Variants in SEMA3D observed in about 807,000 individuals in gnomAD.
SEMA3D encodes the protein semaphorin-3D.
In SEMA3D, 84 loss-of-function variants were observed where a neutral mutation model predicts 100.1. The observed-to-expected ratio is 0.84, with a 90% CI of 0.70 to 1.01. SEMA3D has a LOEUF of 1.01. Ranked by LOEUF, SEMA3D falls within the 50% of genes least tolerant of loss-of-function variation. SEMA3D has a pLI of 0.00. For missense variants in SEMA3D, 875 were observed against 934.1 expected, an observed-to-expected ratio of 0.94 and a Z score of 0.82; for synonymous variants, 312 against 320.7, an observed-to-expected ratio of 0.97 and a Z score of 0.29.
At chr7:85,157,405 A>T (rs1324706495) in intron 1 of SEMA3D, among the ~76,000 whole-genome samples, 1 of 152,152 alleles carries the variant, frequency 6.6e-6, no homozygotes, top group Non-Finnish European at 1.5e-5. Context: ...TCCTGGAAAG[A>T]TGCTTTTATA....
At chr7:85,139,293 G>A (rs1341110606) in intron 2 of SEMA3D, among the ~76,000 whole-genome samples, 2 of 151,922 alleles carry the variant, frequency 1.3e-5, no homozygotes. Context: ...AGAGCCACTG[G>A]GTTAAATGTT....
chr7:85,159,433 A>G (rs189117512), intron 1 of SEMA3D, among the ~76,000 whole-genome samples: 51 of 152,236 alleles, frequency 3.4e-4, no homozygotes, highest in Admixed American at 5.9e-4. Flanking sequence ...TGTCTTTATT[A>G]CCTAATTCAT....
chr7:85,140,579 A>G (rs1790017712), intron 2 of SEMA3D: 1 of 937,024 alleles, frequency 1.1e-6, no homozygotes, highest in African/African-American at 1.8e-5. Context: ...AGTTTTATCT[A>G]TATCTATATC....
chr7:85,151,782 TA>T, intron 2 of SEMA3D: 1 of 831,928 alleles, frequency 1.2e-6, no homozygotes, highest in South Asian at 5.5e-5. Flanking sequence ...ACTATTATAT[TA>T]GAAGAAAATT....
the SEMA3D span, among the ~76,000 whole-genome samples, chr7:85,243,099 T>C: frequency 6.6e-6 from 1 of 152,166 alleles, no homozygotes; most frequent in South Asian, 2.1e-4. Flanking sequence ...GTGAGACAGA[T>C]AGAGTGGGCT....
chr7:85,173,289 A>G (rs1791135794), intron 1 of SEMA3D, among the ~76,000 whole-genome samples: 1 of 152,070 alleles, frequency 6.6e-6, no homozygotes, highest in South Asian at 2.1e-4. Context: ...AAGTCTGGGA[A>G]TTCAGAGGAG....
At chr7:85,092,527 C>A (rs1024074434) in intron 4 of SEMA3D, among the ~76,000 whole-genome samples, 2 of 151,840 alleles carry the variant, frequency 1.3e-5, no homozygotes, top group Admixed American at 1.3e-4. Context: ...ACTGACAAAA[C>A]CAAACCAATA....
At chr7:85,043,090 C>A (rs1023100357) in intron 9 of SEMA3D, among the ~76,000 whole-genome samples, 3 of 152,084 alleles carry the variant, frequency 2.0e-5, no homozygotes, top group Non-Finnish European at 2.9e-5. Flanking sequence ...TAAAAACCAT[C>A]CTTTTGCCTA....
At chr7:85,201,831 T>C in the SEMA3D span, among the ~76,000 whole-genome samples, 3 of 151,948 alleles carry the variant, frequency 2.0e-5, no homozygotes, top group Admixed American at 2.0e-4. Flanking sequence ...GACTCAACCA[T>C]CCTCCTGCCT....
At position 84,998,454 on chromosome 7, in the gene SEMA3D, C is replaced by A. The variant is rs1274175161; in HGVS notation, c.*986G>T. On this transcript the variant is annotated 3_prime_UTR_variant, in exon 19 of 19. Coordinates refer to ENST00000284136, the MANE Select transcript of SEMA3D (RefSeq NM_001384900.1). ...TTGTTATAATCTAGATTTTTTTTAA[C>A]AGATGAATTACAAATTGGCAGCTAC... is the stretch of plus-strand genomic sequence containing the variant. The A allele has an allele frequency of 6.6e-6, 1 of 151,922 alleles. No individual in the cohort carries two copies. The highest frequency in any genetic ancestry group is 2.4e-5 in the African/African-American group (1 of 41,384). 9.4% of individuals were successfully genotyped at this position (151,922 alleles called of 1,614,324 possible). A position where few individuals can be genotyped will look rare whatever the true frequency, so the allele number is the denominator to read the frequency against.
intron 12 of SEMA3D, among the ~76,000 whole-genome samples, chr7:85,034,614 A>AAAAAC (rs942113078): frequency 3.3e-5 from 5 of 152,122 alleles, no homozygotes; most frequent in African/African-American, 7.2e-5. Context: ...CAAAAAAACA[A>AAAAAC]AAAACAAAAC....
chr7:85,065,231 A>G (rs1479584688), intron 8 of SEMA3D, among the ~76,000 whole-genome samples, 193 bp downstream of exon 8: 1 of 152,224 alleles, frequency 6.6e-6, no homozygotes, highest in Non-Finnish European at 1.5e-5. Flanking sequence ...GCAGACACTC[A>G]ATAAATATTA....
At chr7:85,214,683 T>C in the SEMA3D span, among the ~76,000 whole-genome samples, 197 of 151,888 alleles carry the variant, frequency 1.3e-3, no homozygotes, top group Non-Finnish European at 2.1e-3. Flanking sequence ...TTTAGTAGAG[T>C]TGGGGTTTCA....
intron 4 of SEMA3D, among the ~76,000 whole-genome samples, chr7:85,097,054 C>T (rs992063267): frequency 2.0e-5 from 3 of 151,670 alleles, no homozygotes; most frequent in Non-Finnish European, 2.9e-5. Context: ...ATCAGCCACT[C>T]GATCTCTGCC....
the SEMA3D span, among the ~76,000 whole-genome samples, chr7:85,223,473 T>TA: frequency 6.6e-6 from 1 of 151,882 alleles, no homozygotes; most frequent in Non-Finnish European, 1.5e-5. Context: ...AATATGGAAC[T>TA]AGCTCAAAAG....
chr7:85,055,900 C>A, intron 8 of SEMA3D, 41 bp from the exon 9 acceptor site: 1 of 1,128,784 alleles, frequency 8.9e-7, no homozygotes, highest in Non-Finnish European at 1.3e-6. Flanking sequence ...GATACTGAAA[C>A]AATCCAGTCA....
At chr7:85,174,129 T>C (rs1365598076) in intron 1 of SEMA3D, among the ~76,000 whole-genome samples, 1 of 152,162 alleles carries the variant, frequency 6.6e-6, no homozygotes, top group Admixed American at 6.6e-5. Context: ...AAGAAGGTGA[T>C]GTAATTAAGC....
At chr7:85,152,456 C>T (rs1790456792) in intron 2 of SEMA3D, among the ~76,000 whole-genome samples, 1 of 152,006 alleles carries the variant, frequency 6.6e-6, no homozygotes, top group Non-Finnish European at 1.5e-5. Flanking sequence ...TGGAAGAAGA[C>T]AAGTTAACTA....
chr7:85,231,730 G>A, the SEMA3D span, among the ~76,000 whole-genome samples: 59 of 152,206 alleles, frequency 3.9e-4, no homozygotes, highest in African/African-American at 9.9e-4. Context: ...GATTATAGGC[G>A]TGAGCCACTG....
Sources: gnomAD v4.1 joint callset for allele counts (sites outside exome capture counted in the v4.1 genomes callset) on GRCh38, gnomAD v4.1.1 for gene constraint, MANE v1.5 for transcripts, NCBI Gene and HGNC (gene_info 2026-07-23, HGNC 2026-07-21) for gene names.